ZNF487: variants seen among roughly 807,000 people sequenced by gnomAD.
The protein encoded by ZNF487 is KRAB domain only 1.
In ZNF487, 4 loss-of-function variants were observed where a neutral mutation model predicts 3.0. That is an observed-to-expected ratio of 1.35 (90% confidence interval 0.66 to 3.08). ZNF487 has a LOEUF of 3.08. Ranked by LOEUF, ZNF487 falls within the 30% of genes most tolerant of loss-of-function variation. ZNF487 has a pLI of 0.01. For synonymous variants in ZNF487, 55 were observed against 34.6 expected, an observed-to-expected ratio of 1.59 and a Z score of -2.06; for missense variants, 146 against 98.7, an observed-to-expected ratio of 1.48 and a Z score of -2.03.
intron 1 of ZNF487, chr10:43,452,306 G>T (rs73255821): frequency 1.2e-3 from 176 of 152,020 alleles, no homozygotes; most frequent in African/African-American, 4.1e-3. Context: ...TTCAAGCCAT[G>T]CAGGCCCCAG....
intron 1 of ZNF487, among the ~76,000 whole-genome samples, chr10:43,442,689 C>T (rs950705995): frequency 4.6e-5 from 7 of 152,240 alleles, no homozygotes; most frequent in African/African-American, 7.2e-5. Context: ...GTGATCCACC[C>T]GCCTTAGCCT....
At chr10:43,436,964 CAGCTGGT>C (rs1839406363), upstream of ZNF487, 1 of 449,288 alleles carries the variant, frequency 2.2e-6, no homozygotes, top group African/African-American at 2.1e-5. Flanking sequence ...GACAAGAGGG[CAGCTGGT>C]AGCAGGGTGG....
At chr10:43,455,031 GAC>G (rs960346628) in intron 1 of ZNF487, among the ~76,000 whole-genome samples, 1 of 139,752 alleles carries the variant, frequency 7.2e-6, no homozygotes, top group Non-Finnish European at 1.5e-5. Flanking sequence ...TTTTTTTGGA[GAC>G]AGTCTCGCTC....
chr10:43,511,402 G>A, the ZNF487 span, among the ~76,000 whole-genome samples: 1 of 152,188 alleles, frequency 6.6e-6, no homozygotes, highest in Non-Finnish European at 1.5e-5. Context: ...CATTCTGTGA[G>A]TCCACAGATG....
chr10:43,444,658 C>T (rs928991939), intron 1 of ZNF487, among the ~76,000 whole-genome samples: 1 of 152,152 alleles, frequency 6.6e-6, no homozygotes, highest in African/African-American at 2.4e-5. Flanking sequence ...CAACCTCTGC[C>T]TCCGGGCTCA....
chr10:43,510,196 G>A, the ZNF487 span, among the ~76,000 whole-genome samples: 6 of 152,258 alleles, frequency 3.9e-5, no homozygotes, highest in East Asian at 1.9e-4. Context: ...TACAGTCCTC[G>A]TTTCTGCAGC....
chr10:43,451,268 G>C (rs765737727), intron 1 of ZNF487, among the ~76,000 whole-genome samples: 1 of 150,990 alleles, frequency 6.6e-6, no homozygotes, highest in South Asian at 2.1e-4. Context: ...TATTAGAGAT[G>C]GAGTTTTGCT....
chr10:43,467,868 A>G (rs1840764252), intron 1 of ZNF487, among the ~76,000 whole-genome samples: 2 of 152,152 alleles, frequency 1.3e-5, no homozygotes, highest in Admixed American at 1.3e-4. Flanking sequence ...GCTGGCATGG[A>G]TAGTGATCCC....
chr10:43,437,017 A>G, upstream of ZNF487: 1 of 377,484 alleles, frequency 2.6e-6, no homozygotes, highest in Non-Finnish European at 5.6e-6. Context: ...CCCGCTAGGC[A>G]CGCGGGAGCA....
the ZNF487 span, chr10:43,523,885 G>C: frequency 2.0e-4 from 31 of 152,060 alleles, no homozygotes; most frequent in African/African-American, 7.0e-4. Context: ...GGAATCATGG[G>C]GAAAAAATAC....
chr10:43,510,033 T>G, the ZNF487 span, among the ~76,000 whole-genome samples: 5 of 152,184 alleles, frequency 3.3e-5, no homozygotes, highest in Non-Finnish European at 5.9e-5. Context: ...CAAATACTAT[T>G]ACATAAAGTT....
chr10:43,463,914 G>T (rs1468720907), intron 1 of ZNF487, among the ~76,000 whole-genome samples: 1 of 151,872 alleles, frequency 6.6e-6, no homozygotes. Flanking sequence ...CTGCTTCACT[G>T]ACTGGCTGTT....
intron 1 of ZNF487, among the ~76,000 whole-genome samples, chr10:43,465,001 A>ACC (rs1215288762): frequency 3.3e-5 from 4 of 119,612 alleles, no homozygotes; most frequent in African/African-American, 1.6e-4. Context: ...GCGGGGGCTG[A>ACC]CCCCCCCACC....
the ZNF487 span, among the ~76,000 whole-genome samples, chr10:43,493,802 C>G: frequency 6.8e-6 from 1 of 148,064 alleles, no homozygotes; most frequent in East Asian, 2.0e-4. Flanking sequence ...ACCCACACTC[C>G]GCTGTGCCTT....
the ZNF487 span, among the ~76,000 whole-genome samples, chr10:43,507,493 A>C: frequency 2.6e-5 from 4 of 152,324 alleles, no homozygotes; most frequent in Admixed American, 2.6e-4. Flanking sequence ...GTCTAAGAGC[A>C]TGAAGGTGCA....
intron 1 of ZNF487, among the ~76,000 whole-genome samples, chr10:43,471,205 T>C (rs2132123596): frequency 6.6e-6 from 1 of 152,252 alleles, no homozygotes; most frequent in Non-Finnish European, 1.5e-5. Context: ...CTCAACCCCT[T>C]GCAGGATGGA....
At chr10:43,447,327 C>T (rs1019750898) in intron 1 of ZNF487, among the ~76,000 whole-genome samples, 2 of 151,902 alleles carry the variant, frequency 1.3e-5, no homozygotes, top group Admixed American at 6.6e-5. Flanking sequence ...ACTGTAACCT[C>T]CACCTCACGG....
At chr10:43,454,733 T>G (rs1026518404) in intron 1 of ZNF487, 25 of 152,094 alleles carry the variant, frequency 1.6e-4, no homozygotes, top group Non-Finnish European at 2.9e-4. Context: ...TAAAGCAGAA[T>G]TAAAACAAAA....
At chr10:43,462,116 CTT>C (rs1159566834) in intron 1 of ZNF487, among the ~76,000 whole-genome samples, 3 of 152,108 alleles carry the variant, frequency 2.0e-5, no homozygotes, top group Non-Finnish European at 4.4e-5. Flanking sequence ...CTTAACATGA[CTT>C]TCTTTTTTAA....
Sources: gnomAD v4.1 joint callset for allele counts (sites outside exome capture counted in the v4.1 genomes callset) on GRCh38, gnomAD v4.1.1 for gene constraint, MANE v1.5 for transcripts, NCBI Gene and HGNC (gene_info 2026-07-23, HGNC 2026-07-21) for gene names.